KIAA0825: variants seen among roughly 807,000 people sequenced by gnomAD.
KIAA0825 encodes the protein uncharacterized protein KIAA0825.
KIAA0825 carries 119 observed loss-of-function variants against 147.6 expected under a neutral mutation model. That is an observed-to-expected ratio of 0.81 (90% CI 0.69 to 0.94). The LOEUF (loss-of-function observed/expected upper bound fraction) is 0.94. Ranked by LOEUF, KIAA0825 falls within the 40% of genes least tolerant of loss-of-function variation. The pLI, the probability that KIAA0825 is intolerant of heterozygous loss-of-function variation, is 0.00. For synonymous variants in KIAA0825, 470 were observed against 518.1 expected, an observed-to-expected ratio of 0.91 and a Z score of 1.26; for missense variants, 1,381 against 1,472.7, an observed-to-expected ratio of 0.94 and a Z score of 1.02.
intron 20 of KIAA0825, among the ~76,000 whole-genome samples, chr5:94,341,334 C>G (rs998453765): frequency 6.6e-6 from 1 of 152,182 alleles, no homozygotes; most frequent in Non-Finnish European, 1.5e-5. Context: ...ACAAAACCGT[C>G]ACACTTTCTG....
intron 14 of KIAA0825, among the ~76,000 whole-genome samples, chr5:94,425,945 T>C (rs1398897958): frequency 6.6e-6 from 1 of 151,992 alleles, no homozygotes; most frequent in Non-Finnish European, 1.5e-5. Flanking sequence ...CCTGCTGGGC[T>C]CAAGTGATCC....
At chr5:94,612,075 A>G (rs1000732926) in intron 1 of KIAA0825, 3 of 152,238 alleles carry the variant, frequency 2.0e-5, no homozygotes, top group African/African-American at 7.2e-5. Flanking sequence ...TTGCATTTCT[A>G]AACTGTTACT....
chr5:94,284,100 G>A (rs1026167975), intron 20 of KIAA0825, among the ~76,000 whole-genome samples: 2 of 152,102 alleles, frequency 1.3e-5, no homozygotes, highest in African/African-American at 4.8e-5. Flanking sequence ...TGTAAAAAAT[G>A]TATATAAAAA....
intron 20 of KIAA0825, among the ~76,000 whole-genome samples, chr5:94,346,797 G>C (rs1315162830): frequency 1.3e-5 from 2 of 152,134 alleles, no homozygotes; most frequent in Non-Finnish European, 2.9e-5. Flanking sequence ...GTTTGAACAG[G>C]GCAAGAAGTC....
chr5:94,331,462 A>T (rs1781262116), intron 20 of KIAA0825, among the ~76,000 whole-genome samples: 1 of 152,198 alleles, frequency 6.6e-6, no homozygotes, highest in South Asian at 2.1e-4. Flanking sequence ...TTAGTCCCAA[A>T]TGGTTTCACT....
chr5:94,348,006 AG>A (rs1366371390), intron 20 of KIAA0825, among the ~76,000 whole-genome samples: 1 of 152,214 alleles, frequency 6.6e-6, no homozygotes, highest in Non-Finnish European at 1.5e-5. Context: ...TGCTCTGGAA[AG>A]TCTCAGCAAT....
intron 20 of KIAA0825, among the ~76,000 whole-genome samples, chr5:94,321,089 G>A (rs1248630911): frequency 6.6e-6 from 1 of 151,932 alleles, no homozygotes; most frequent in African/African-American, 2.4e-5. Context: ...GACAGTTTGT[G>A]TCACAGTTTT....
chr5:94,154,158 AC>A (rs760973667), intron 20 of KIAA0825, 34 bp from the exon 21 acceptor site: 94 of 1,358,494 alleles, frequency 6.9e-5, no homozygotes, highest in Non-Finnish European at 9.1e-5. Context: ...CATTTTTGTA[AC>A]TTTCAAACCA....
At chr5:94,232,791 G>T (rs1358345361) in intron 20 of KIAA0825, among the ~76,000 whole-genome samples, 2 of 152,020 alleles carry the variant, frequency 1.3e-5, no homozygotes, top group African/African-American at 4.8e-5. Flanking sequence ...TTGCAAGAAA[G>T]ATTCCATAGT....
chr5:94,406,572 T>C (rs990865358), intron 15 of KIAA0825, among the ~76,000 whole-genome samples: 10 of 152,186 alleles, frequency 6.6e-5, no homozygotes, highest in Non-Finnish European at 1.5e-4. Flanking sequence ...CCATTAAAGC[T>C]ATCAGAACAC....
chr5:94,594,105 T>A (rs994410948), intron 1 of KIAA0825: 8 of 545,684 alleles, frequency 1.5e-5, no homozygotes, highest in Admixed American at 1.3e-4. Context: ...TGTTTCTTGG[T>A]TTCTCTTTGG....
intron 20 of KIAA0825, among the ~76,000 whole-genome samples, chr5:94,240,427 G>A (rs948159428): frequency 1.3e-5 from 2 of 152,192 alleles, no homozygotes; most frequent in Non-Finnish European, 2.9e-5. Flanking sequence ...GAAACCGAAT[G>A]TACACTGTTT....
intron 5 of KIAA0825, among the ~76,000 whole-genome samples, chr5:94,497,117 C>A (rs749559568): frequency 3.3e-5 from 5 of 151,990 alleles, no homozygotes; most frequent in Non-Finnish European, 7.4e-5. Flanking sequence ...TAATTAAAAC[C>A]AAAATGAGGA....
At chr5:94,425,210 T>C (rs1203136052) in intron 14 of KIAA0825, among the ~76,000 whole-genome samples, 1 of 152,010 alleles carries the variant, frequency 6.6e-6, no homozygotes, top group Non-Finnish European at 1.5e-5. Context: ...ATATCCCTAA[T>C]GAACATAAAT....
At chr5:94,279,035 C>T (rs1426730160) in intron 20 of KIAA0825, among the ~76,000 whole-genome samples, 1 of 151,954 alleles carries the variant, frequency 6.6e-6, no homozygotes, top group Non-Finnish European at 1.5e-5. Flanking sequence ...CAATTTTATA[C>T]ATGAAACCTA....
chr5:94,450,998 T>C (rs1485144531), intron 13 of KIAA0825, among the ~76,000 whole-genome samples: 2 of 152,136 alleles, frequency 1.3e-5, no homozygotes, highest in Non-Finnish European at 2.9e-5. Flanking sequence ...TTGCTGCCTA[T>C]ACAGCACTTT....
rs143747825 is a variant in KIAA0825, at chr5:94,474,614, T to G, written c.1228-1095A>C. ...TTCAGCAATAATTTATTTTTTCACA[T>G]ATACTGTACAAAGTAATAAAGGTGA... On this transcript the variant is annotated intron_variant, in intron 7 of 20. Transcript: ENST00000682413. 7.1e-3 allele frequency among the ~76,000 whole-genome samples: 1,089 copies of G among 152,308 alleles called. 49 individuals are homozygous for G. The highest frequency in any genetic ancestry group is 0.059 in the Admixed American group (910 of 15,296).
chr5:94,354,999 C>T (rs1399859412), intron 20 of KIAA0825, among the ~76,000 whole-genome samples: 1 of 152,058 alleles, frequency 6.6e-6, no homozygotes, highest in Non-Finnish European at 1.5e-5. Context: ...TTGGTTTGGT[C>T]CAGAAGGGTG....
chr5:94,468,077 T>A (rs1313935614), intron 10 of KIAA0825, among the ~76,000 whole-genome samples: 1 of 152,264 alleles, frequency 6.6e-6, no homozygotes, highest in Non-Finnish European at 1.5e-5. Flanking sequence ...CAGTACCATG[T>A]AATCACAGGG....
Sources: gnomAD v4.1 joint callset for allele counts (sites outside exome capture counted in the v4.1 genomes callset) on GRCh38, gnomAD v4.1.1 for gene constraint, MANE v1.5 for transcripts, NCBI Gene and HGNC (gene_info 2026-07-23, HGNC 2026-07-21) for gene names.